Variants in TM9SF2 observed in about 807,000 individuals in gnomAD.
The protein encoded by TM9SF2 is transmembrane 9 superfamily member 2.
Under a neutral mutation model 84.9 loss-of-function variants are expected in TM9SF2, and 13 were observed. The observed-to-expected ratio is 0.15, with a 90% CI of 0.10 to 0.24. The LOEUF (loss-of-function observed/expected upper bound fraction) is 0.24, where lower values mean the gene tolerates loss of function less well. Ranked by LOEUF, TM9SF2 falls within the 10% of genes least tolerant of loss-of-function variation. The pLI, the probability that TM9SF2 is intolerant of heterozygous loss-of-function variation, is 1.00. For synonymous variants in TM9SF2, 273 were observed against 285.8 expected, an observed-to-expected ratio of 0.96 and a Z score of 0.45; for missense variants, 562 against 818.5, an observed-to-expected ratio of 0.69 and a Z score of 3.82.
intron 4 of TM9SF2, among the ~76,000 whole-genome samples, chr13:99,536,295 T>C (rs1490813890): frequency 6.6e-6 from 1 of 151,490 alleles, no homozygotes; most frequent in Non-Finnish European, 1.5e-5. Flanking sequence ...ACGAAGTTTT[T>C]TTTGTTTTTT....
At chr13:99,501,828 T>G in intron 1 of TM9SF2, 51 bp downstream of exon 1, 1 of 1,560,048 alleles carries the variant, frequency 6.4e-7, no homozygotes, top group South Asian at 1.2e-5. Flanking sequence ...GGGGAAGTCG[T>G]CCCTATCCGG....
At chr13:99,555,480 T>C (rs1159098517) in intron 14 of TM9SF2, 56 bp from the exon 15 acceptor site, 5 of 1,283,360 alleles carry the variant, frequency 3.9e-6, no homozygotes, top group Non-Finnish European at 5.6e-6. Context: ...GATTGTGTTA[T>C]GTATTGTGTC....
In TM9SF2 at chr13:99,560,580, C is replaced by T. The variant is rs192717504; in HGVS notation, c.1924+1046C>T. On this transcript the variant is annotated intron_variant, in intron 16 of 16. Transcript: ENST00000376387. ...CAGAATAATTTATTCCTAGCCTACA[C>T]ACAAAAAATAACGATCATTGTGAAT... Among the ~76,000 whole-genome samples the T allele has an allele frequency of 1.0e-3, 156 of 152,346 alleles. 4 individuals carry two copies. In the East Asian group the frequency reaches 0.023, roughly 22 times the overall value.
chr13:99,552,805 C>T (rs969570226), intron 13 of TM9SF2, among the ~76,000 whole-genome samples: 2 of 152,282 alleles, frequency 1.3e-5, no homozygotes, highest in South Asian at 2.1e-4. Context: ...GGTTTCATCA[C>T]GTTGGTCAGG....
intron 1 of TM9SF2, among the ~76,000 whole-genome samples, chr13:99,510,075 TC>T (rs2046106857): frequency 6.6e-6 from 1 of 152,168 alleles, no homozygotes; most frequent in South Asian, 2.1e-4. Context: ...GTTCCACAGA[TC>T]CCTAGGGCAT....
chr13:99,541,527 A>G lies in TM9SF2; in HGVS notation c.909-32A>G, dbSNP rs572359425. On this transcript the variant is annotated intron_variant, in intron 8 of 16. Coordinates refer to ENST00000376387, the MANE Select transcript of TM9SF2 (RefSeq NM_004800.3). ...GTTTTACTGTTCCTAGGATTAAGCT[A>G]CAGATTACTCATGATGTGCTTATTT... 8 of 1,487,942 alleles carry G rather than the reference A, an allele frequency of 5.4e-6. No homozygotes were observed. In the Admixed American group the frequency reaches 1.0e-4, roughly 19 times the overall value. 92.2% of individuals were successfully genotyped at this position (1,487,942 alleles called of 1,614,324 possible).
chr13:99,534,680 A>G (rs1594054275), intron 4 of TM9SF2, among the ~76,000 whole-genome samples: 1 of 152,376 alleles, frequency 6.6e-6, no homozygotes, highest in East Asian at 1.9e-4. Flanking sequence ...GAGAGCAGAC[A>G]GAAGTAAAGG....
chr13:99,555,450 C>T, intron 14 of TM9SF2, 86 bp from the exon 15 acceptor site: 1 of 1,041,938 alleles, frequency 9.6e-7, no homozygotes, highest in Admixed American at 2.3e-5. Context: ...CAAACCTTTT[C>T]AGTTCAAGAA....
chr13:99,525,025 C>T (rs1254253596), intron 3 of TM9SF2, among the ~76,000 whole-genome samples: 2 of 151,974 alleles, frequency 1.3e-5, no homozygotes, highest in African/African-American at 4.8e-5. Flanking sequence ...ACTGATGGGT[C>T]AGGTGAGATA....
At chr13:99,502,774 A>G (rs1049854941) in intron 1 of TM9SF2, among the ~76,000 whole-genome samples, 1 of 152,238 alleles carries the variant, frequency 6.6e-6, no homozygotes, top group African/African-American at 2.4e-5. Context: ...ATAATCGTTC[A>G]ACAAACGTTT....
chr13:99,548,118 A>C (rs188064048), intron 11 of TM9SF2, among the ~76,000 whole-genome samples: 4 of 152,032 alleles, frequency 2.6e-5, no homozygotes, highest in Admixed American at 2.6e-4. Flanking sequence ...GCCTTACTTC[A>C]TGCCACACTC....
chr13:99,508,363 G>T (rs999331347), intron 1 of TM9SF2, among the ~76,000 whole-genome samples: 1 of 146,972 alleles, frequency 6.8e-6, no homozygotes, highest in East Asian at 2.1e-4. Flanking sequence ...CTTTTGGATG[G>T]TGAATAAAGA....
chr13:99,503,052 T>A (rs752371059), intron 1 of TM9SF2, among the ~76,000 whole-genome samples: 1 of 152,252 alleles, frequency 6.6e-6, no homozygotes, highest in Non-Finnish European at 1.5e-5. Flanking sequence ...AGTACTTAAG[T>A]TCATACTCTG....
chr13:99,557,376 T>C (rs2046328889), intron 15 of TM9SF2, among the ~76,000 whole-genome samples: 1 of 152,182 alleles, frequency 6.6e-6, no homozygotes, highest in Non-Finnish European at 1.5e-5. Flanking sequence ...TTAAATTTGT[T>C]TGTCTTTTTG....
chr13:99,562,841 T>C lies in TM9SF2; in HGVS notation c.*83T>C, dbSNP rs970552839. The C allele has an allele frequency of 1.5e-6, 2 of 1,319,820 alleles. No homozygotes were observed. Among genetic ancestry groups the C allele is most frequent in the Admixed American group, 3.8e-5 (2 of 52,606 alleles). 81.8% of individuals were successfully genotyped at this position (1,319,820 alleles called of 1,614,324 possible). The stretch of plus-strand genomic sequence containing the variant: ...CCTGTTTTTGTGACTGCCTTGAGTT[T>C]TATCAGAATTATTGGCCTAGTAATC... On this transcript the variant is annotated 3_prime_UTR_variant, in exon 17 of 17. Coordinates refer to ENST00000376387, the MANE Select transcript of TM9SF2 (RefSeq NM_004800.3).
chr13:99,562,930 C>G lies in TM9SF2; in HGVS notation c.*172C>G. On this transcript the variant is annotated 3_prime_UTR_variant, in exon 17 of 17. Transcript: ENST00000376387. ...TACACCTTTCCCCCATAAGATGTGTCTTCAACACTATAAAGCATTTGTATT... is the reference window on the plus strand; with the variant it reads ...TACACCTTTCCCCCATAAGATGTGTGTTCAACACTATAAAGCATTTGTATT... The G allele has an allele frequency of 1.8e-6, 1 of 556,456 alleles. No individual in the cohort carries two copies. 34.5% of individuals were successfully genotyped at this position (556,456 alleles called of 1,614,324 possible). A position where few individuals can be genotyped will look rare whatever the true frequency, so the allele number is the denominator to read the frequency against.
At chr13:99,551,913 A>G (rs9888453) in intron 12 of TM9SF2, among the ~76,000 whole-genome samples, 28,060 of 152,186 alleles carry the variant, frequency 0.18, 2,782 homozygotes, top group Middle Eastern at 0.2. Context: ...AGAATTGACA[A>G]TCCCAAGTGT....
At chr13:99,551,038 A>G (rs914677822) in intron 12 of TM9SF2, among the ~76,000 whole-genome samples, 3 of 152,258 alleles carry the variant, frequency 2.0e-5, no homozygotes, top group Non-Finnish European at 2.9e-5. Context: ...GAGTTTGGCA[A>G]AATGGCTAGG....
intron 10 of TM9SF2, among the ~76,000 whole-genome samples, chr13:99,544,268 G>C (rs2046273330): frequency 6.6e-6 from 1 of 151,902 alleles, no homozygotes; most frequent in Admixed American, 6.6e-5. Flanking sequence ...GCTTGAACCT[G>C]GGAGGCGGAG....
Sources: gnomAD v4.1 joint callset for allele counts (sites outside exome capture counted in the v4.1 genomes callset) on GRCh38, gnomAD v4.1.1 for gene constraint, MANE v1.5 for transcripts, NCBI Gene and HGNC (gene_info 2026-07-23, HGNC 2026-07-21) for gene names.